TENT5C: variants seen among roughly 807,000 people sequenced by gnomAD.
TENT5C encodes the protein terminal nucleotidyltransferase 5C.
In TENT5C, 5 loss-of-function variants were observed where a neutral mutation model predicts 22.2. The observed-to-expected ratio is 0.22, with a 90% CI of 0.12 to 0.47. The LOEUF (loss-of-function observed/expected upper bound fraction) is 0.47, where lower values mean the gene tolerates loss of function less well. TENT5C is among the 20% of genes least tolerant of loss of function. The probability of loss-of-function intolerance (pLI) is 0.99; values close to 1 mark genes in which losing one functional copy is unlikely to be tolerated. For missense variants in TENT5C, 364 were observed against 500.9 expected (o/e 0.73, Z 2.61); for synonymous variants, 199 against 195.4 (o/e 1.02, Z -0.15).
At chr1:117,615,003 G>A (rs1284541705) in intron 1 of TENT5C, among the ~76,000 whole-genome samples, 1 of 152,132 alleles carries the variant, frequency 6.6e-6, no homozygotes, top group Non-Finnish European at 1.5e-5. Flanking sequence ...GTAGCATAAC[G>A]ATTAGCATTT....
At chr1:117,606,720 T>G (rs1339080511) in intron 1 of TENT5C, among the ~76,000 whole-genome samples, 1 of 151,964 alleles carries the variant, frequency 6.6e-6, no homozygotes, top group Non-Finnish European at 1.5e-5. Context: ...TTGGATCTGG[T>G]TGGGGAGGGG....
chr1:117,609,325 A>G (rs962264397), intron 1 of TENT5C, among the ~76,000 whole-genome samples: 13 of 152,194 alleles, frequency 8.5e-5, no homozygotes, highest in African/African-American at 3.1e-4. Context: ...GAATTAATAG[A>G]TTTTGTACAG....
rs1173708307 is a variant in TENT5C at position 117,625,832 on chromosome 1, G to A, written c.*1788G>A. The A allele has an allele frequency of 4.0e-6, 1 of 248,042 alleles. No homozygotes were observed. The highest frequency in any genetic ancestry group is 1.8e-4 in the South Asian group (1 of 5,522). 15.4% of individuals were successfully genotyped at this position (248,042 alleles called of 1,614,324 possible). A position where few individuals can be genotyped will look rare whatever the true frequency, so the allele number is the denominator to read the frequency against. ...ATGACTGAAACTCAAGGCTTAGCTGGTATCTATGTTGTGCTACATTAGGTG... is the reference window on the plus strand; with the variant it reads ...ATGACTGAAACTCAAGGCTTAGCTGATATCTATGTTGTGCTACATTAGGTG... On this transcript the variant is annotated 3_prime_UTR_variant, in exon 2 of 2. Transcript: ENST00000369448.
At chr1:117,609,711 A>G (rs987643553) in intron 1 of TENT5C, among the ~76,000 whole-genome samples, 1 of 152,230 alleles carries the variant, frequency 6.6e-6, no homozygotes, top group Admixed American at 6.5e-5. Context: ...CCACTGGCAT[A>G]TGAGCGCCGG....
At chr1:117,619,164 T>G (rs1035724018) in intron 1 of TENT5C, among the ~76,000 whole-genome samples, 1 of 152,238 alleles carries the variant, frequency 6.6e-6, no homozygotes, top group African/African-American at 2.4e-5. Context: ...TAATTCAAAG[T>G]AGACTTACCA....
intron 1 of TENT5C, among the ~76,000 whole-genome samples, chr1:117,621,409 G>T (rs1653892139): frequency 1.3e-5 from 2 of 151,988 alleles, no homozygotes; most frequent in South Asian, 4.2e-4. Flanking sequence ...TCCACCACTG[G>T]AGTTGTCTAC....
intron 1 of TENT5C, among the ~76,000 whole-genome samples, chr1:117,610,334 C>T (rs1475875191): frequency 1.3e-5 from 2 of 152,134 alleles, no homozygotes; most frequent in Non-Finnish European, 2.9e-5. Flanking sequence ...TTGACCCACC[C>T]TCCACCCCCC....
Position 117,626,534 on chromosome 1 carries a change from G to C in TENT5C, c.*2490G>C, listed in dbSNP as rs1182189833. ...TTTAAAACACAACCCCTGGGCTAGT[G>C]ATGTCTCTACTTGCTCTATGAGCCT... is the stretch of plus-strand genomic sequence containing the variant. On this transcript the variant is annotated 3_prime_UTR_variant, in exon 2 of 2. Transcript: ENST00000369448. The C allele has an allele frequency of 4.0e-6, 1 of 247,934 alleles. No homozygotes were observed. The highest frequency in any genetic ancestry group is 2.2e-5 in the African/African-American group (1 of 45,348). 15.4% of individuals were successfully genotyped at this position (247,934 alleles called of 1,614,324 possible). A position where few individuals can be genotyped will look rare whatever the true frequency, so the allele number is the denominator to read the frequency against.
chr1:117,616,299 A>T (rs951829120), intron 1 of TENT5C, among the ~76,000 whole-genome samples: 1 of 152,190 alleles, frequency 6.6e-6, no homozygotes, highest in Non-Finnish European at 1.5e-5. Flanking sequence ...TACACCCTTC[A>T]TTTCACAAGC....
At chr1:117,615,794 A>C (rs760734183) in intron 1 of TENT5C, among the ~76,000 whole-genome samples, 4 of 152,280 alleles carry the variant, frequency 2.6e-5, no homozygotes, top group Non-Finnish European at 5.9e-5. Flanking sequence ...GCCACCTGGC[A>C]TCTTTTGCTT....
At chr1:117,608,349 C>T (rs948423153) in intron 1 of TENT5C, among the ~76,000 whole-genome samples, 1 of 152,176 alleles carries the variant, frequency 6.6e-6, no homozygotes, top group Non-Finnish European at 1.5e-5. Flanking sequence ...ACCGTGAGCA[C>T]AAGTAGCCAC....
chr1:117,627,107 G>A lies in TENT5C; in HGVS notation c.*3063G>A. On this transcript the variant is annotated 3_prime_UTR_variant, in exon 2 of 2. Coordinates refer to ENST00000369448, the MANE Select transcript of TENT5C (RefSeq NM_017709.4). ...ATGCCTGTGGGATGGCCCACACCTG[G>A]GGGACCTGGCAGATGGGGTGAGTTG... The A allele has an allele frequency of 4.0e-6, 1 of 248,180 alleles. No individual in the cohort carries two copies. Among genetic ancestry groups the A allele is most frequent in the Non-Finnish European group, 8.5e-6 (1 of 118,128 alleles). 15.4% of individuals were successfully genotyped at this position (248,180 alleles called of 1,614,324 possible).
rs775316333 is a variant in TENT5C, at chr1:117,623,029, C to T, written c.161C>T (p.Thr54Ile). 1.9e-6 allele frequency: 3 copies of T among 1,614,226 alleles called. No individual in the cohort carries two copies. The highest frequency in any genetic ancestry group is 3.3e-5 in the Admixed American group (2 of 60,026). The stretch of plus-strand genomic sequence containing the variant: ...ATAACTCTGAAGGACATCGTCCAGA[C>T]CGTCCGCAGTCGGCTGGAGGAGGCA... ...LEITLKDIVQTVRSRLEEAGI... is the reference protein window; with the variant it reads ...LEITLKDIVQIVRSRLEEAGI... Residue 54 changes from threonine (T) to isoleucine (I), a missense_variant, in exon 2 of 2, where the codon ACC becomes ATC. Around this residue, in one of 3 missense-constraint regions of TENT5C, gnomAD observed 303 missense variants for 394.5 expected, o/e 0.77. Transcript: ENST00000369448.
intron 1 of TENT5C, among the ~76,000 whole-genome samples, chr1:117,608,079 TAA>T (rs35986908): frequency 2.1e-5 from 3 of 141,202 alleles, no homozygotes; most frequent in Non-Finnish European, 1.6e-5. Context: ...TAACAAAGTT[TAA>T]AAAAAAAAAA....
Position 117,623,091 on chromosome 1 carries a change from G to C in TENT5C, c.223G>C (p.Ala75Pro). 6.2e-7 allele frequency: 1 copy of C among 1,614,222 alleles called. No individual in the cohort carries two copies. Among genetic ancestry groups the C allele is most frequent in the Non-Finnish European group, 8.5e-7 (1 of 1,180,044 alleles). The stretch of plus-strand genomic sequence containing the variant: ...GCACGACGTCCGGCTGAATGGCTCC[G>C]CAGCTGGCCACGTTTTGGTCAAAGA... Reference protein sequence around the residue: ...KVHDVRLNGSAAGHVLVKDNG... With the variant: ...KVHDVRLNGSPAGHVLVKDNG... The change falls in exon 2 of 2, where the codon GCA becomes CCA. Residue 75 changes from alanine to proline, a missense_variant. This residue lies in a region of TENT5C where 303 missense variants were observed against 394.5 expected (regional missense o/e 0.77). Coordinates refer to ENST00000369448, the MANE Select transcript of TENT5C (RefSeq NM_017709.4).
intron 1 of TENT5C, among the ~76,000 whole-genome samples, chr1:117,612,717 G>C (rs1653696303): frequency 6.6e-6 from 1 of 152,220 alleles, no homozygotes; most frequent in Non-Finnish European, 1.5e-5. Context: ...TGAAATGGAG[G>C]TCAGCTCACA....
At position 117,618,490 on chromosome 1, in the gene TENT5C, A is replaced by C. The variant is rs190849445; in HGVS notation, c.-27-4352A>C. On this transcript the variant is annotated intron_variant, in intron 1 of 1. Transcript: ENST00000369448. Reference sequence around the variant, plus strand: ...GAAAAGAGTCTCTCTTCCTCTGTTCATCCCCTTATCTGTAGAGATCAGCAT... The same window carrying C: ...GAAAAGAGTCTCTCTTCCTCTGTTCCTCCCCTTATCTGTAGAGATCAGCAT... Among the ~76,000 whole-genome samples the C allele has an allele frequency of 4.8e-3, 735 of 152,200 alleles. 6 individuals carry two copies. Among genetic ancestry groups the C allele is most frequent in the Non-Finnish European group, 5.2e-3 (354 of 67,984 alleles).
Position 117,625,067 on chromosome 1 carries a change from C to CT in TENT5C, c.*1024dup, listed in dbSNP as rs1653978972. 1 of 247,346 alleles carries CT rather than the reference C, an allele frequency of 4.0e-6. No individual in the cohort carries two copies. The highest frequency in any genetic ancestry group is 2.2e-5 in the African/African-American group (1 of 45,170). 15.3% of individuals were successfully genotyped at this position (247,346 alleles called of 1,614,324 possible). A position where few individuals can be genotyped will look rare whatever the true frequency, so the allele number is the denominator to read the frequency against. ...TTCCAAGTATGACACAGCTGTTCTTCTGGAGTACTTTAGCTATTTTTTGTT... is the reference window on the plus strand; with the variant it reads ...TTCCAAGTATGACACAGCTGTTCTTCTTGGAGTACTTTAGCTATTTTTTGTT... On this transcript the variant is annotated 3_prime_UTR_variant, in exon 2 of 2. Transcript: ENST00000369448.
chr1:117,615,026 A>G (rs1570858977), intron 1 of TENT5C, among the ~76,000 whole-genome samples: 2 of 152,228 alleles, frequency 1.3e-5, no homozygotes, highest in African/African-American at 4.8e-5. Flanking sequence ...ACACTTAATC[A>G]CATTCAGTTC....
Sources: allele counts gnomAD v4.1 joint callset (sites outside exome capture counted in the v4.1 genomes callset), GRCh38; gene constraint gnomAD v4.1.1; regional missense constraint gnomAD v4.1.1; transcripts MANE v1.5; gene names NCBI Gene and HGNC (gene_info 2026-07-23, HGNC 2026-07-21).